The following ELP4 variants were observed in gnomAD, a reference collection of about 807,000 sequenced individuals.
ELP4 encodes elongator complex protein 4.
ELP4 carries 51 observed loss-of-function variants against 48.9 expected under a neutral mutation model. That is an observed-to-expected ratio of 1.04 (90% CI 0.83 to 1.32). The LOEUF is 1.32. ELP4 is among the 40% of genes most tolerant of loss of function. The probability of loss-of-function intolerance (pLI) is 0.00; values close to 1 mark genes in which losing one functional copy is unlikely to be tolerated. For synonymous variants in ELP4, 210 were observed against 189.2 expected (o/e 1.11, Z -0.90); for missense variants, 519 against 514.6 (o/e 1.01, Z -0.08).
intron 3 of ELP4, among the ~76,000 whole-genome samples, chr11:31,542,523 A>T (rs1956609308): frequency 6.6e-6 from 1 of 152,154 alleles, no homozygotes; most frequent in Admixed American, 6.5e-5. Context: ...AGAGTGAAAA[A>T]CTTCATAATT....
At chr11:31,522,601 G>A (rs1445361492) in intron 2 of ELP4, among the ~76,000 whole-genome samples, 1 of 152,030 alleles carries the variant, frequency 6.6e-6, no homozygotes, top group Non-Finnish European at 1.5e-5. Flanking sequence ...ATGCTATTGT[G>A]CATAATCTTG....
At chr11:31,632,579 C>T in intron 7 of ELP4, 174 bp downstream of exon 7, 1 of 464,904 alleles carries the variant, frequency 2.2e-6, no homozygotes, top group Non-Finnish European at 3.7e-6. Flanking sequence ...TTGATAGTCT[C>T]ATTATCAATT....
intron 9 of ELP4, among the ~76,000 whole-genome samples, chr11:31,661,772 AC>A (rs1414643308): frequency 6.6e-5 from 10 of 152,068 alleles, no homozygotes; most frequent in African/African-American, 2.4e-4. Flanking sequence ...CGTAAGTAAA[AC>A]AACCTTCAAA....
chr11:31,521,650 A>AG (rs1956215984), intron 2 of ELP4, among the ~76,000 whole-genome samples: 1 of 152,106 alleles, frequency 6.6e-6, no homozygotes, highest in Non-Finnish European at 1.5e-5. Flanking sequence ...AAATTCATGC[A>AG]CAATAAGGAT....
chr11:31,753,649 C>T (rs1280676372), intron 9 of ELP4, among the ~76,000 whole-genome samples: 4 of 152,078 alleles, frequency 2.6e-5, no homozygotes, highest in Admixed American at 1.3e-4. Flanking sequence ...CACTCTAGAA[C>T]AACTTCAGCA....
chr11:31,649,093 A>AT (rs1945267133), intron 8 of ELP4: 1 of 151,576 alleles, frequency 6.6e-6, no homozygotes, highest in African/African-American at 2.4e-5. Context: ...AGTTTGAAAA[A>AT]TTTTCAGGTA....
chr11:31,544,953 G>A (rs942902179), intron 3 of ELP4, among the ~76,000 whole-genome samples: 5 of 152,134 alleles, frequency 3.3e-5, no homozygotes, highest in Admixed American at 6.5e-5. Flanking sequence ...CTGTCTGTTA[G>A]AAGGAAAACT....
chr11:31,637,098 C>G (rs1944996192), intron 7 of ELP4, among the ~76,000 whole-genome samples: 1 of 151,814 alleles, frequency 6.6e-6, no homozygotes, highest in South Asian at 2.1e-4. Context: ...CTATGGACGG[C>G]TCCCCTATAT....
Position 31,786,849 on chromosome 11 carries a change from C to T in ELP4, c.*3325C>T, listed in dbSNP as rs1016050089. The T allele has an allele frequency of 4.6e-6, 1 of 217,572 alleles. No individual in the cohort carries two copies. Among genetic ancestry groups the T allele is most frequent in the African/African-American group, 2.3e-5 (1 of 44,406 alleles). The allele number at this position is 217,572 out of a possible 1,614,324, so 13.5% of individuals were successfully genotyped here. On this transcript the variant is annotated 3_prime_UTR_variant, in exon 10 of 10. Transcript: ENST00000640961. ...AACGTTTATTACTTAAAACATTCAG[C>T]TCTTATTCTATTCACCTGGTTTTCC...
At position 31,728,970 on chromosome 11, in the gene ELP4, A is replaced by G. The variant is rs544494780; in HGVS notation, c.1144-54423A>G. ...CTTTCTATTTGAATTGTTTCATAAT[A>G]GATAGAAATTATAGAATAAATTCAT... On this transcript the variant is annotated intron_variant, in intron 9 of 9. Coordinates refer to ENST00000640961, the MANE Select transcript of ELP4 (RefSeq NM_019040.5). Among the ~76,000 whole-genome samples the G allele has an allele frequency of 2.0e-5, 3 of 152,358 alleles. No individual in the cohort carries two copies. The East Asian group carries it at 5.8e-4, about 29-fold the overall frequency.
intron 9 of ELP4, chr11:31,763,428 C>T: frequency 6.2e-7 from 1 of 1,607,802 alleles, no homozygotes; most frequent in Non-Finnish European, 8.5e-7. Flanking sequence ...AAGACAACTA[C>T]TTGAGACAAG....
chr11:31,782,771 G>A (rs1161283452), intron 9 of ELP4, among the ~76,000 whole-genome samples: 4 of 152,054 alleles, frequency 2.6e-5, no homozygotes, highest in African/African-American at 7.2e-5. Flanking sequence ...TACCAAGACC[G>A]GTAATAGATG....
intron 6 of ELP4, among the ~76,000 whole-genome samples, chr11:31,627,533 T>A (rs1944771214): frequency 6.6e-6 from 1 of 152,110 alleles, no homozygotes; most frequent in Non-Finnish European, 1.5e-5. Context: ...ATTTAAATTG[T>A]TCCTGTTTCT....
chr11:31,626,608 C>T (rs879153414), intron 5 of ELP4, among the ~76,000 whole-genome samples: 1 of 151,674 alleles, frequency 6.6e-6, no homozygotes, highest in Non-Finnish European at 1.5e-5. Context: ...ACTCACTTTT[C>T]TTCGTGTGTC....
chr11:31,741,286 G>C (rs1947442056), intron 9 of ELP4, among the ~76,000 whole-genome samples: 2 of 152,206 alleles, frequency 1.3e-5, no homozygotes, highest in Non-Finnish European at 2.9e-5. Context: ...GCTAAAGGAG[G>C]CCTGCCTGCC....
intron 9 of ELP4, among the ~76,000 whole-genome samples, chr11:31,666,461 A>G (rs1001684880): frequency 2.0e-5 from 3 of 152,142 alleles, no homozygotes; most frequent in African/African-American, 7.2e-5. Flanking sequence ...TGGGAGGCCA[A>G]GGTGGGTGGA....
At chr11:31,559,074 A>G (rs111550231) in intron 3 of ELP4, among the ~76,000 whole-genome samples, 52 of 152,272 alleles carry the variant, frequency 3.4e-4, no homozygotes, top group African/African-American at 1.2e-3. Context: ...ACTAAATGCA[A>G]CATTAAAGGA....
chr11:31,657,383 A>G (rs1945459570), intron 9 of ELP4, among the ~76,000 whole-genome samples: 2 of 152,000 alleles, frequency 1.3e-5, no homozygotes, highest in Non-Finnish European at 2.9e-5. Context: ...TCTCAGTGTA[A>G]TGTATTTTAT....
chr11:31,539,229 C>G (rs1035634713), intron 2 of ELP4, among the ~76,000 whole-genome samples: 1 of 152,140 alleles, frequency 6.6e-6, no homozygotes, highest in Admixed American at 6.5e-5. Context: ...CTTTGAGAGG[C>G]CAAGGCGGGC....
Sources: gnomAD v4.1 joint callset for allele counts (sites outside exome capture counted in the v4.1 genomes callset) on GRCh38, gnomAD v4.1.1 for gene constraint, MANE v1.5 for transcripts, NCBI Gene and HGNC (gene_info 2026-07-23, HGNC 2026-07-21) for gene names.